Variants in UNC5D observed in about 807,000 individuals in gnomAD.
The protein encoded by UNC5D is unc-5 netrin receptor D.
UNC5D carries 39 observed loss-of-function variants against 105.4 expected under a neutral mutation model. The ratio of observed to expected loss-of-function variants is 0.37; its 90% CI spans 0.29 to 0.48. UNC5D has a LOEUF of 0.48. UNC5D is among the 20% of genes least tolerant of loss of function. The pLI is 0.98. For missense variants in UNC5D, 991 were observed against 1,202.4 expected, an observed-to-expected ratio of 0.82 and a Z score of 2.60; for synonymous variants, 452 against 450.4, an observed-to-expected ratio of 1.00 and a Z score of -0.04.
intron 1 of UNC5D, among the ~76,000 whole-genome samples, chr8:35,423,251 T>G (rs1191888848): frequency 2.0e-5 from 3 of 152,154 alleles, no homozygotes; most frequent in Non-Finnish European, 4.4e-5. Context: ...ATCCACTACA[T>G]TAGTCCCTGT....
chr8:35,610,507 T>C (rs180841916), intron 4 of UNC5D, among the ~76,000 whole-genome samples: 7 of 152,318 alleles, frequency 4.6e-5, no homozygotes, highest in African/African-American at 1.4e-4. Flanking sequence ...GTGGAATTTT[T>C]GGAGGCCGAG....
intron 1 of UNC5D, among the ~76,000 whole-genome samples, chr8:35,353,361 T>C (rs772871544): frequency 6.6e-6 from 1 of 152,186 alleles, no homozygotes; most frequent in Non-Finnish European, 1.5e-5. Flanking sequence ...AATGCCAATT[T>C]GTCACCCGCC....
chr8:35,402,291 G>A (rs1193942919), intron 1 of UNC5D, among the ~76,000 whole-genome samples: 1 of 152,052 alleles, frequency 6.6e-6, no homozygotes, highest in African/African-American at 2.4e-5. Context: ...AACGTGGCTG[G>A]GGAGGCCTCA....
chr8:35,434,963 T>G (rs1280279484), intron 1 of UNC5D, among the ~76,000 whole-genome samples: 3 of 152,092 alleles, frequency 2.0e-5, no homozygotes, highest in Non-Finnish European at 2.9e-5. Context: ...CTGTGTGAGT[T>G]TTATTCTGGC....
At position 35,386,729 on chromosome 8, in the gene UNC5D, C is replaced by T. The variant is rs372894402; in HGVS notation, c.103+150842C>T. Among the ~76,000 whole-genome samples, 78 of 152,192 alleles carry T rather than the reference C, an allele frequency of 5.1e-4. 2 individuals are homozygous for T. The South Asian group carries it at 0.014, about 28-fold the overall frequency. On this transcript the variant is annotated intron_variant, in intron 1 of 16. Transcript: ENST00000404895. Reference sequence around the variant, plus strand: ...GAGTTATTTGTTATCAAAAGTGGCACGCGGGAGGCTTTCCACATTAAATTT... The same window carrying T: ...GAGTTATTTGTTATCAAAAGTGGCATGCGGGAGGCTTTCCACATTAAATTT...
chr8:35,439,132 C>T (rs1381523110), intron 1 of UNC5D, among the ~76,000 whole-genome samples: 2 of 151,878 alleles, frequency 1.3e-5, no homozygotes, highest in Non-Finnish European at 2.9e-5. Context: ...GCCTATGCCA[C>T]AGATTGCCTT....
chr8:35,359,014 G>A (rs1444748494), intron 1 of UNC5D, among the ~76,000 whole-genome samples: 2 of 152,128 alleles, frequency 1.3e-5, no homozygotes, highest in Non-Finnish European at 2.9e-5. Context: ...GGCCAGGCCT[G>A]GTGGCTCACA....
chr8:35,513,659 G>A (rs995502360), intron 1 of UNC5D, among the ~76,000 whole-genome samples: 1 of 152,184 alleles, frequency 6.6e-6, no homozygotes, highest in African/African-American at 2.4e-5. Flanking sequence ...TGTTAAAAAT[G>A]AGTTCCTTGT....
chr8:35,386,423 T>C (rs750651050), intron 1 of UNC5D, among the ~76,000 whole-genome samples: 5 of 152,272 alleles, frequency 3.3e-5, no homozygotes, highest in African/African-American at 4.8e-5. Context: ...AAGTACCTTA[T>C]TGTTTTTTTA....
chr8:35,725,120 G>T (rs1828790646), intron 9 of UNC5D, among the ~76,000 whole-genome samples: 1 of 152,072 alleles, frequency 6.6e-6, no homozygotes, highest in Non-Finnish European at 1.5e-5. Context: ...AACAATAGAG[G>T]CTAATACAAT....
At chr8:35,675,636 C>T (rs569057677) in intron 4 of UNC5D, among the ~76,000 whole-genome samples, 10 of 151,874 alleles carry the variant, frequency 6.6e-5, no homozygotes, top group Admixed American at 2.0e-4. Context: ...TTGCATTTTC[C>T]GTGGGATATG....
At chr8:35,724,376 G>A in intron 9 of UNC5D, 2 of 1,429,002 alleles carry the variant, frequency 1.4e-6, no homozygotes, top group South Asian at 1.4e-5. Flanking sequence ...GTCTTAGAGA[G>A]ATCCGTTTTT....
chr8:35,542,910 G>T (rs1815375972), intron 1 of UNC5D, among the ~76,000 whole-genome samples: 3 of 152,182 alleles, frequency 2.0e-5, no homozygotes, highest in Admixed American at 2.0e-4. Context: ...ACCCAGTGAT[G>T]ATGCTGAAGG....
chr8:35,402,949 A>C (rs750121264), intron 1 of UNC5D, among the ~76,000 whole-genome samples: 1 of 152,088 alleles, frequency 6.6e-6, no homozygotes, highest in Non-Finnish European at 1.5e-5. Flanking sequence ...CACCTGTGTC[A>C]GTGTTCATTT....
chr8:35,422,912 T>C (rs768012032), intron 1 of UNC5D, among the ~76,000 whole-genome samples: 1 of 152,150 alleles, frequency 6.6e-6, no homozygotes, highest in Non-Finnish European at 1.5e-5. Context: ...CATGGGTAGA[T>C]GTTATATTGG....
intron 1 of UNC5D, among the ~76,000 whole-genome samples, chr8:35,249,122 T>A (rs1181312469): frequency 7.6e-6 from 1 of 131,652 alleles, no homozygotes; most frequent in Non-Finnish European, 1.6e-5. Flanking sequence ...ATTATATATA[T>A]AAAATTATAT....
intron 7 of UNC5D, among the ~76,000 whole-genome samples, chr8:35,693,620 C>G (rs570240041): frequency 6.6e-6 from 1 of 152,248 alleles, no homozygotes; most frequent in Non-Finnish European, 1.5e-5. Context: ...AGCTAAGACA[C>G]AAGAGCCTAG....
intron 1 of UNC5D, among the ~76,000 whole-genome samples, chr8:35,444,713 T>C (rs904476914): frequency 6.6e-6 from 1 of 151,996 alleles, no homozygotes; most frequent in Non-Finnish European, 1.5e-5. Context: ...CCACCCTGAA[T>C]TGAAGACTCT....
At chr8:35,248,707 AAT>A (rs1353578868) in intron 1 of UNC5D, among the ~76,000 whole-genome samples, 2 of 102,152 alleles carry the variant, frequency 2.0e-5, no homozygotes, top group Non-Finnish European at 3.4e-5. Context: ...AAAAATATAT[AAT>A]ATATATAAAA....
Sources: gnomAD v4.1 joint callset for allele counts (sites outside exome capture counted in the v4.1 genomes callset) on GRCh38, gnomAD v4.1.1 for gene constraint, MANE v1.5 for transcripts, NCBI Gene and HGNC (gene_info 2026-07-23, HGNC 2026-07-21) for gene names.